TAFA4: variants seen among roughly 807,000 people sequenced by gnomAD.
TAFA4 encodes the protein chemokine-like protein TAFA-4.
A neutral mutation model predicts 21.1 loss-of-function variants in TAFA4; 20 were observed. The ratio of observed to expected loss-of-function variants is 0.95; its 90% confidence interval spans 0.67 to 1.38. The LOEUF is 1.38. TAFA4 is among the 40% of genes most tolerant of loss of function. TAFA4 has a pLI of 0.00. For synonymous variants in TAFA4, 71 were observed against 67.4 expected, an observed-to-expected ratio of 1.05 and a Z score of -0.26; for missense variants, 211 against 180.9, an observed-to-expected ratio of 1.17 and a Z score of -0.95.
chr3:68,887,643 C>T (rs551383084), intron 1 of TAFA4, among the ~76,000 whole-genome samples: 1 of 152,248 alleles, frequency 6.6e-6, no homozygotes, highest in Admixed American at 6.5e-5. Flanking sequence ...ATGTGGACAC[C>T]ATCAAGGCAT....
chr3:68,888,320 AAC>A (rs2089694880), intron 1 of TAFA4, among the ~76,000 whole-genome samples: 1 of 152,076 alleles, frequency 6.6e-6, no homozygotes. Context: ...CCATATTTCT[AAC>A]AACATTCTGA....
At chr3:68,841,968 C>T (rs1243661105) in intron 3 of TAFA4, among the ~76,000 whole-genome samples, 1 of 152,094 alleles carries the variant, frequency 6.6e-6, no homozygotes, top group African/African-American at 2.4e-5. Flanking sequence ...TGGGTTGGTT[C>T]CAAGTCTTTG....
rs2106916565 is a variant in TAFA4, at chr3:68,856,447, C to T, written c.130+24283G>A. On this transcript the variant is annotated intron_variant, in intron 3 of 5. Coordinates refer to ENST00000295569, the MANE Select transcript of TAFA4 (RefSeq NM_182522.5). ...AACATTACTCTCCAAAGATTATATT[C>T]CCAAACGCTTTACCTATTCCCTCTT... 1.3e-5 allele frequency among the ~76,000 whole-genome samples: 2 copies of T among 152,224 alleles called. 1 individual carries two copies. Among genetic ancestry groups the T allele is most frequent in the South Asian group, 4.1e-4 (2 of 4,826 alleles).
At chr3:68,895,972 G>A (rs1281162607) in intron 1 of TAFA4, among the ~76,000 whole-genome samples, 3 of 152,210 alleles carry the variant, frequency 2.0e-5, no homozygotes, top group Admixed American at 1.3e-4. Context: ...GAAGGTGACT[G>A]TGACATCATG....
chr3:68,900,490 T>G (rs1258809975), intron 1 of TAFA4, among the ~76,000 whole-genome samples: 3 of 151,996 alleles, frequency 2.0e-5, no homozygotes, highest in Non-Finnish European at 4.4e-5. Context: ...CTAAGTTAAC[T>G]CCTACTCATC....
At chr3:68,854,666 T>A (rs1705026874) in intron 3 of TAFA4, among the ~76,000 whole-genome samples, 1 of 151,224 alleles carries the variant, frequency 6.6e-6, no homozygotes, top group African/African-American at 2.4e-5. Context: ...TTTTGTTATT[T>A]TTTTTTTTTT....
At chr3:68,926,670 T>C (rs1324496410) in intron 1 of TAFA4, among the ~76,000 whole-genome samples, 1 of 152,098 alleles carries the variant, frequency 6.6e-6, no homozygotes. Flanking sequence ...CCCAGCACTT[T>C]GGGAGGCTGA....
chr3:68,920,988 G>A (rs570338581), intron 1 of TAFA4, among the ~76,000 whole-genome samples: 1 of 152,224 alleles, frequency 6.6e-6, no homozygotes, highest in Non-Finnish European at 1.5e-5. Flanking sequence ...CTAACTGTCT[G>A]GGGTTGAGTG....
intron 3 of TAFA4, among the ~76,000 whole-genome samples, chr3:68,868,820 T>G (rs985957148): frequency 6.6e-6 from 1 of 151,600 alleles, no homozygotes; most frequent in African/African-American, 2.4e-5. Context: ...CAATGATACA[T>G]CTCAGTAAAC....
chr3:68,801,515 G>A (rs188235056), intron 3 of TAFA4, among the ~76,000 whole-genome samples: 19 of 152,270 alleles, frequency 1.2e-4, no homozygotes, highest in Admixed American at 1.0e-3. Flanking sequence ...AATTGCAGTG[G>A]TGCTTTTGCT....
intron 5 of TAFA4, among the ~76,000 whole-genome samples, chr3:68,734,833 T>C (rs533599171): frequency 1.1e-4 from 16 of 152,260 alleles, no homozygotes; most frequent in South Asian, 1.0e-3. Context: ...ATTGTGATGT[T>C]AGCTCTTTCT....
chr3:68,781,914 G>C (rs1703160979), intron 3 of TAFA4, among the ~76,000 whole-genome samples: 1 of 152,082 alleles, frequency 6.6e-6, no homozygotes, highest in Non-Finnish European at 1.5e-5. Context: ...AAAAAGTATG[G>C]GGGTCAATCT....
chr3:68,829,180 G>A (rs1308901557), intron 3 of TAFA4, among the ~76,000 whole-genome samples: 1 of 152,082 alleles, frequency 6.6e-6, no homozygotes, highest in Admixed American at 6.6e-5. Flanking sequence ...AAAACAGCAT[G>A]GTACTAGTAC....
intron 3 of TAFA4, among the ~76,000 whole-genome samples, chr3:68,817,337 T>C (rs1020300501): frequency 6.6e-6 from 1 of 152,152 alleles, no homozygotes; most frequent in Non-Finnish European, 1.5e-5. Flanking sequence ...TCTAACTCTC[T>C]TGCTATTTCT....
chr3:68,885,471 C>T (rs2089662517), intron 1 of TAFA4, among the ~76,000 whole-genome samples, 161 bp from the exon 2 acceptor site: 1 of 152,086 alleles, frequency 6.6e-6, no homozygotes, highest in East Asian at 1.9e-4. Flanking sequence ...AGGTGTCCTA[C>T]TATTAGGGAG....
rs1702859593 is a variant in TAFA4 at position 68,766,589 on chromosome 3, G to A, written c.131-13571C>T. 2.0e-5 allele frequency among the ~76,000 whole-genome samples: 3 copies of A among 149,280 alleles called. No homozygotes were observed. In the South Asian group the frequency reaches 6.4e-4, roughly 32 times the overall value. The stretch of plus-strand genomic sequence containing the variant: ...AGAAAATTCCAAAAGCAAAGATAAA[G>A]AGATGAAAATTATGAAAGCAAACAG... On this transcript the variant is annotated intron_variant, in intron 3 of 5. Coordinates refer to ENST00000295569, the MANE Select transcript of TAFA4 (RefSeq NM_182522.5).
At chr3:68,847,208 G>C (rs984348676) in intron 3 of TAFA4, among the ~76,000 whole-genome samples, 2 of 152,238 alleles carry the variant, frequency 1.3e-5, no homozygotes, top group African/African-American at 4.8e-5. Context: ...TTTCAGAGAT[G>C]CCCTGCCCAG....
intron 1 of TAFA4, among the ~76,000 whole-genome samples, chr3:68,906,968 C>T (rs575890967): frequency 3.0e-5 from 4 of 133,278 alleles, no homozygotes; most frequent in Admixed American, 8.6e-5. Context: ...GAGGTGGAGG[C>T]TGCAGTGAGC....
intron 1 of TAFA4, among the ~76,000 whole-genome samples, chr3:68,890,495 GTTTA>G (rs2089719308): frequency 6.6e-6 from 1 of 152,154 alleles, no homozygotes; most frequent in African/African-American, 2.4e-5. Flanking sequence ...TCCAGAGAAG[GTTTA>G]TTTGTTTTTA....
Sources: gnomAD v4.1 joint callset for allele counts (sites outside exome capture counted in the v4.1 genomes callset) on GRCh38, gnomAD v4.1.1 for gene constraint, MANE v1.5 for transcripts, NCBI Gene and HGNC (gene_info 2026-07-23, HGNC 2026-07-21) for gene names.